TMEM117: variants seen among roughly 807,000 people sequenced by gnomAD.
TMEM117 encodes the protein transmembrane protein 117.
In TMEM117, 27 loss-of-function variants were observed where a neutral mutation model predicts 52.4. The observed-to-expected ratio is 0.51, with a 90% confidence interval of 0.38 to 0.71. The LOEUF (loss-of-function observed/expected upper bound fraction) is 0.71. Ranked by LOEUF, TMEM117 falls within the 30% of genes least tolerant of loss-of-function variation. TMEM117 has a pLI of 0.00. For synonymous variants in TMEM117, 215 were observed against 206.3 expected (o/e 1.04, Z -0.36); for missense variants, 556 against 630.5 (o/e 0.88, Z 1.26).
At chr12:44,192,355 A>T (rs1949366262) in intron 4 of TMEM117, among the ~76,000 whole-genome samples, 1 of 152,138 alleles carries the variant, frequency 6.6e-6, no homozygotes, top group Non-Finnish European at 1.5e-5. Context: ...TCATAAGGAG[A>T]TTACCATTTT....
the TMEM117 span, chr12:43,799,272 C>A: frequency 1.8e-6 from 1 of 555,104 alleles, no homozygotes; most frequent in Non-Finnish European, 3.0e-6. Flanking sequence ...TATCTCTAAA[C>A]TAAACGGAAT....
At chr12:44,198,597 A>G (rs55683108) in intron 4 of TMEM117, among the ~76,000 whole-genome samples, 3,243 of 152,244 alleles carry the variant, frequency 0.021, 50 homozygotes, top group Middle Eastern at 0.085. Flanking sequence ...TGTCTGACTT[A>G]CCCCAAGAGG....
At chr12:43,947,924 A>G (rs1328283359) in intron 3 of TMEM117, among the ~76,000 whole-genome samples, 1 of 152,176 alleles carries the variant, frequency 6.6e-6, no homozygotes, top group African/African-American at 2.4e-5. Context: ...GTGTGCATGT[A>G]TGCCAATTTT....
chr12:44,222,982 T>TA (rs58858975), intron 5 of TMEM117, among the ~76,000 whole-genome samples: 1 of 151,536 alleles, frequency 6.6e-6, no homozygotes, highest in Admixed American at 6.6e-5. Flanking sequence ...TGAACCCTGA[T>TA]AAAAAAGTCA....
At chr12:44,090,210 G>A (rs1441301258) in intron 3 of TMEM117, among the ~76,000 whole-genome samples, 1 of 151,722 alleles carries the variant, frequency 6.6e-6, no homozygotes, top group African/African-American at 2.4e-5. Flanking sequence ...TAGATTCAGG[G>A]GGTACATGTG....
chr12:43,900,319 G>A (rs760662118), intron 2 of TMEM117, among the ~76,000 whole-genome samples: 6 of 152,078 alleles, frequency 3.9e-5, no homozygotes, highest in African/African-American at 7.2e-5. Context: ...TTACAGCAGC[G>A]ACCACTGCTT....
chr12:44,037,117 G>C (rs921845631), intron 3 of TMEM117, among the ~76,000 whole-genome samples: 1 of 152,140 alleles, frequency 6.6e-6, no homozygotes, highest in Non-Finnish European at 1.5e-5. Context: ...CAAGTGGGCA[G>C]GTTAGGAGCC....
At chr12:44,296,388 C>T (rs1950769634) in intron 5 of TMEM117, among the ~76,000 whole-genome samples, 2 of 152,114 alleles carry the variant, frequency 1.3e-5, no homozygotes, top group Non-Finnish European at 2.9e-5. Flanking sequence ...AGGTCTCTCT[C>T]CAGGGTCACA....
At chr12:43,940,796 G>A (rs868690214) in intron 2 of TMEM117, among the ~76,000 whole-genome samples, 3 of 152,008 alleles carry the variant, frequency 2.0e-5, no homozygotes, top group East Asian at 1.9e-4. Context: ...CGCCTGCCTC[G>A]GCCTCCCAAA....
At chr12:43,898,183 A>C (rs1421382304) in intron 2 of TMEM117, among the ~76,000 whole-genome samples, 2 of 152,020 alleles carry the variant, frequency 1.3e-5, no homozygotes, top group African/African-American at 2.4e-5. Context: ...ATGAGTTTGT[A>C]GATTTGGGAT....
intron 3 of TMEM117, among the ~76,000 whole-genome samples, chr12:44,095,159 A>C (rs1360929357): frequency 6.6e-6 from 1 of 152,130 alleles, no homozygotes; most frequent in African/African-American, 2.4e-5. Context: ...TGTGCTGTAC[A>C]TGCACATGAC....
intron 4 of TMEM117, among the ~76,000 whole-genome samples, chr12:44,160,274 C>G (rs1168402613): frequency 6.6e-6 from 1 of 151,934 alleles, no homozygotes. Context: ...CATACACATA[C>G]ACATATGTAT....
rs749411714 is a variant in TMEM117, at chr12:44,388,232, C to A, written c.1105C>A (p.Arg369=). Reference sequence around the variant, plus strand: ...ATGGAGGTCCAATCACACTAACCCTCGGACTAATAAAACATATGTTGAGGG... The same window carrying A: ...ATGGAGGTCCAATCACACTAACCCTAGGACTAATAAAACATATGTTGAGGG... The part of the protein sequence containing the change: ...WEWRSNHTNP[R]TNKTYVEGDM... Residue 369 remains arginine (R), a synonymous_variant, in exon 8 of 8, where the codon CGG becomes AGG. Transcript: ENST00000266534. The A allele has an allele frequency of 1.9e-6, 3 of 1,613,374 alleles. No individual in the cohort carries two copies. The highest frequency in any genetic ancestry group is 1.6e-4 in the Middle Eastern group (1 of 6,082).
chr12:44,390,270 C>T (rs1454788748), downstream of TMEM117, among the ~76,000 whole-genome samples: 1 of 151,696 alleles, frequency 6.6e-6, no homozygotes. Context: ...ACCCATTGCC[C>T]ATACTATCTA....
chr12:43,896,785 C>T (rs1323592772), intron 2 of TMEM117, among the ~76,000 whole-genome samples: 2 of 152,172 alleles, frequency 1.3e-5, no homozygotes, highest in African/African-American at 2.4e-5. Flanking sequence ...GGCTGGTGAA[C>T]TCAATTGCTG....
At chr12:44,244,718 T>C (rs146437999) in intron 5 of TMEM117, among the ~76,000 whole-genome samples, 1 of 152,126 alleles carries the variant, frequency 6.6e-6, no homozygotes, top group African/African-American at 2.4e-5. Flanking sequence ...ATCTCATTTG[T>C]CTATTTTGTC....
intron 5 of TMEM117, among the ~76,000 whole-genome samples, chr12:44,271,661 A>G (rs1021356148): frequency 1.3e-5 from 2 of 152,092 alleles, no homozygotes; most frequent in African/African-American, 2.4e-5. Flanking sequence ...AGAAGAAAAC[A>G]TAGGGAAATG....
chr12:43,952,496 C>A (rs1945240480), intron 3 of TMEM117, among the ~76,000 whole-genome samples: 1 of 151,978 alleles, frequency 6.6e-6, no homozygotes, highest in Non-Finnish European at 1.5e-5. Flanking sequence ...GTGATGCAGA[C>A]ACAAGTATCA....
chr12:43,904,349 A>G (rs1274273874), intron 2 of TMEM117, among the ~76,000 whole-genome samples: 4 of 152,154 alleles, frequency 2.6e-5, no homozygotes, highest in Admixed American at 2.0e-4. Context: ...ACTCCAGCCT[A>G]GGGGACAGAG....
Sources: allele counts gnomAD v4.1 joint callset (sites outside exome capture counted in the v4.1 genomes callset), GRCh38; gene constraint gnomAD v4.1.1; transcripts MANE v1.5; gene names NCBI Gene and HGNC (gene_info 2026-07-23, HGNC 2026-07-21).